ANKRD31: variants seen among roughly 807,000 people sequenced by gnomAD.
ANKRD31 encodes ankyrin repeat domain 31, also known as ankyrin repeat domain-containing protein 31.
In ANKRD31, 147 loss-of-function variants were observed where a neutral mutation model predicts 186.0. The observed-to-expected ratio is 0.79, with a 90% CI of 0.69 to 0.91. ANKRD31 has a LOEUF of 0.91. Among genes scored for constraint, ANKRD31 ranks in the 40% least tolerant of loss-of-function variants. The pLI is 0.00. For synonymous variants in ANKRD31, 673 were observed against 736.4 expected, an observed-to-expected ratio of 0.91 and a Z score of 1.39; for missense variants, 1,986 against 2,148.8, an observed-to-expected ratio of 0.92 and a Z score of 1.50.
intron 12 of ANKRD31, among the ~76,000 whole-genome samples, chr5:75,151,720 T>C (rs1751852227): frequency 6.6e-6 from 1 of 152,038 alleles, no homozygotes; most frequent in Non-Finnish European, 1.5e-5. Context: ...CGGGAAAAGA[T>C]CTTTTCTAAT....
At chr5:75,139,168 ATTACT>A (rs1474367155) in intron 15 of ANKRD31, among the ~76,000 whole-genome samples, 185 bp from the exon 16 acceptor site, 1 of 152,208 alleles carries the variant, frequency 6.6e-6, no homozygotes, top group Non-Finnish European at 1.5e-5. Flanking sequence ...ATCTAAGCAC[ATTACT>A]TTGTATTCAT....
At chr5:75,196,793 C>CA (rs567356912) in intron 6 of ANKRD31, among the ~76,000 whole-genome samples, 2 of 151,968 alleles carry the variant, frequency 1.3e-5, no homozygotes, top group Admixed American at 6.6e-5. Flanking sequence ...TTATTTTAAG[C>CA]AAAAAAACCC....
chr5:75,203,129 G>C (rs1325013910), intron 5 of ANKRD31, among the ~76,000 whole-genome samples: 1 of 152,054 alleles, frequency 6.6e-6, no homozygotes, highest in African/African-American at 2.4e-5. Flanking sequence ...ACTTTTGAAG[G>C]AACAGCCTAT....
At chr5:75,224,843 TA>T (rs1378720278) in intron 2 of ANKRD31, among the ~76,000 whole-genome samples, 1 of 152,066 alleles carries the variant, frequency 6.6e-6, no homozygotes, top group Non-Finnish European at 1.5e-5. Context: ...TGAATAATAT[TA>T]AAAGATAACC....
At chr5:75,089,009 C>T (rs1250159242) in intron 23 of ANKRD31, among the ~76,000 whole-genome samples, 1 of 152,106 alleles carries the variant, frequency 6.6e-6, no homozygotes, top group African/African-American at 2.4e-5. Flanking sequence ...AATGCTTTTT[C>T]AAATATTGCC....
chr5:75,092,733 G>A (rs1400646278), intron 22 of ANKRD31, among the ~76,000 whole-genome samples: 1 of 151,970 alleles, frequency 6.6e-6, no homozygotes, highest in East Asian at 1.9e-4. Context: ...ACACACACTG[G>A]GAAAAAAAAC....
intron 20 of ANKRD31, 128 bp downstream of exon 20, chr5:75,112,385 T>A: frequency 5.2e-6 from 3 of 572,646 alleles, no homozygotes; most frequent in Non-Finnish European, 8.9e-6. Context: ...CCTAGCACTT[T>A]AAATACTCTC....
chr5:75,209,577 T>A (rs1756476618), intron 4 of ANKRD31, among the ~76,000 whole-genome samples: 1 of 152,068 alleles, frequency 6.6e-6, no homozygotes, highest in South Asian at 2.1e-4. Context: ...CTTGGGAGGC[T>A]GAGGCACAAG....
intron 12 of ANKRD31, among the ~76,000 whole-genome samples, chr5:75,151,576 C>T (rs1751843349): frequency 1.3e-5 from 2 of 152,046 alleles, no homozygotes; most frequent in South Asian, 4.1e-4. Flanking sequence ...TTAGGCCTCC[C>T]TAGTCCTGCA....
At chr5:75,075,553 T>C (rs866624015) in intron 25 of ANKRD31, among the ~76,000 whole-genome samples, 23 of 152,170 alleles carry the variant, frequency 1.5e-4, no homozygotes, top group African/African-American at 5.3e-4. Flanking sequence ...CTGTTACTTA[T>C]TAGGAACTTA....
At chr5:75,148,649 T>C (rs1314412756) in intron 12 of ANKRD31, 21 bp from the exon 13 acceptor site, 2 of 1,512,282 alleles carry the variant, frequency 1.3e-6, no homozygotes, top group Admixed American at 2.1e-5. Flanking sequence ...AAAGAGAAAA[T>C]CAATGAAAAC....
At chr5:75,139,052 T>G in intron 15 of ANKRD31, 69 bp from the exon 16 acceptor site, 9 of 1,488,308 alleles carry the variant, frequency 6.0e-6, no homozygotes, top group Non-Finnish European at 7.2e-6. Flanking sequence ...TCTTAGAAAA[T>G]ACATAACAAC....
chr5:75,192,764 C>T lies in ANKRD31; in HGVS notation c.1311G>A (p.Pro437=), dbSNP rs1399443532. Residue 437 remains proline, a synonymous_variant, in exon 9 of 26, where the codon CCG becomes CCA. Transcript: ENST00000506364. ...SSAQNFRMQD[P]ALMIDGKEKN... is the part of the protein sequence containing the mutation. ...TCTCTTTACCATCAATCATTAAAGC[C>T]GGATCCTGCATTCTTGAAAAACAAC... is the stretch of plus-strand genomic sequence containing the variant. 9 of 1,532,570 alleles carry T rather than the reference C, an allele frequency of 5.9e-6. No homozygotes were observed. In the South Asian group the frequency reaches 6.0e-5, roughly 10 times the overall value. The allele number at this position is 1,532,570 out of a possible 1,614,324, so 94.9% of individuals were successfully genotyped here.
chr5:75,172,546 T>C (rs919984294), intron 10 of ANKRD31, among the ~76,000 whole-genome samples: 2 of 151,840 alleles, frequency 1.3e-5, no homozygotes, highest in African/African-American at 4.8e-5. Flanking sequence ...TAAAAAATGA[T>C]AAAGGGGATA....
intron 22 of ANKRD31, among the ~76,000 whole-genome samples, chr5:75,092,065 T>G (rs566723540): frequency 2.6e-5 from 4 of 152,170 alleles, no homozygotes; most frequent in Non-Finnish European, 4.4e-5. Context: ...CACCCTCAGC[T>G]CCAGGGCCAT....
At chr5:75,091,484 A>C in intron 22 of ANKRD31, 83 bp from the exon 23 acceptor site, 1 of 1,319,788 alleles carries the variant, frequency 7.6e-7, no homozygotes, top group Non-Finnish European at 1.0e-6. Flanking sequence ...ACAAAGTAAC[A>C]GGGACCACAT....
rs749097142 is a variant in ANKRD31, at chr5:75,206,434, G to T, written c.380C>A (p.Ser127Ter). The T allele has an allele frequency of 6.7e-7, 1 of 1,482,620 alleles. No individual in the cohort carries two copies. Among genetic ancestry groups the T allele is most frequent in the Non-Finnish European group, 8.9e-7 (1 of 1,124,250 alleles). The allele number at this position is 1,482,620 out of a possible 1,614,324, so 91.8% of individuals were successfully genotyped here. The change falls in exon 5 of 26, where the codon TCA becomes TAA. Residue 127 changes from serine (S) to a stop codon, truncating the protein, a stop_gained. Transcript: ENST00000506364. LOFTEE classifies it high-confidence loss of function. ...FIGSFRQSGL[S>*]LNHQNIEGPE... The stretch of plus-strand genomic sequence containing the variant: ...ACCTTCAATATTTTGGTGGTTCAAT[G>T]AAAGTCCAGACTGGCGAAACGACCC...
intron 6 of ANKRD31, among the ~76,000 whole-genome samples, chr5:75,198,326 G>A (rs1013046242): frequency 3.3e-5 from 5 of 152,016 alleles, no homozygotes; most frequent in African/African-American, 9.7e-5. Flanking sequence ...CACAGCACTG[G>A]CTTCTATGCA....
chr5:75,174,860 GCAGCCATCCCATTACTGGGTATA>G (rs1561503802), intron 10 of ANKRD31, among the ~76,000 whole-genome samples: 2 of 152,110 alleles, frequency 1.3e-5, no homozygotes, highest in African/African-American at 4.8e-5. Context: ...ACCATTTGAC[GCAGCCATCCCATTACTGGGTATA>G]CACCCAAAGG....
Sources: allele counts gnomAD v4.1 joint callset (sites outside exome capture counted in the v4.1 genomes callset), GRCh38; gene constraint gnomAD v4.1.1; transcripts MANE v1.5; gene names NCBI Gene and HGNC (gene_info 2026-07-23, HGNC 2026-07-21).